The following AGAP1 variants were observed in gnomAD, a reference collection of about 807,000 sequenced individuals.
AGAP1 encodes ArfGAP with GTPase domain, ankyrin repeat and PH domain 1.
In AGAP1, 29 loss-of-function variants were observed where a neutral mutation model predicts 105.3. The ratio of observed to expected loss-of-function variants is 0.28; its 90% CI spans 0.21 to 0.38. The LOEUF is 0.38. Ranked by LOEUF, AGAP1 falls within the 10% of genes least tolerant of loss-of-function variation. The pLI is 1.00. For missense variants in AGAP1, 998 were observed against 1,165.1 expected, an observed-to-expected ratio of 0.86 and a Z score of 2.09; for synonymous variants, 509 against 485.9, an observed-to-expected ratio of 1.05 and a Z score of -0.63.
rs201890999 is a variant in AGAP1, at chr2:235,664,208, TG to T, written c.164-44970del. Among the ~76,000 whole-genome samples, 4 of 151,878 alleles carry T rather than the reference TG, an allele frequency of 2.6e-5. No individual in the cohort carries two copies. The highest frequency in any genetic ancestry group is 2.1e-4 in the South Asian group (1 of 4,826). Reference sequence around the variant, plus strand: ...ATAGATTGGATTTTAATATATAGTTTGTTTTTTTGTTTTTTTTTTCGAGACG... The same window carrying T: ...ATAGATTGGATTTTAATATATAGTTTTTTTTTTGTTTTTTTTTTCGAGACG... On this transcript the variant is annotated intron_variant, in intron 1 of 17. Transcript: ENST00000304032. This position sits in a 1 kb window ranked among gnomAD's most constrained non-coding sequence, Gnocchi z 5.7.
In AGAP1 at chr2:236,129,078, C is replaced by T. The variant is rs1343363759; in HGVS notation, c.*4956C>T. ...TCACATCTTGAATGACTGTCACCCTCATCCTTCCCCAAAAAGCTAAATAAG... is the reference window on the plus strand; with the variant it reads ...TCACATCTTGAATGACTGTCACCCTTATCCTTCCCCAAAAAGCTAAATAAG... On this transcript the variant is annotated 3_prime_UTR_variant, in exon 18 of 18. Transcript: ENST00000304032. The surrounding 1 kb of genome is among the most constrained non-coding windows in gnomAD (Gnocchi z 6.2). The T allele has an allele frequency of 6.6e-6, 1 of 152,240 alleles. No homozygotes were observed. Among genetic ancestry groups the T allele is most frequent in the East Asian group, 1.9e-4 (1 of 5,184 alleles). The allele number at this position is 152,240 out of a possible 1,614,324, so 9.4% of individuals were successfully genotyped here. A position where few individuals can be genotyped will look rare whatever the true frequency, so the allele number is the denominator to read the frequency against.
At chr2:235,942,061 C>G (rs886797761) in intron 12 of AGAP1, among the ~76,000 whole-genome samples, 1 of 152,192 alleles carries the variant, frequency 6.6e-6, no homozygotes, top group African/African-American at 2.4e-5. Flanking sequence ...CCTCTAGACT[C>G]AAGATACCCA....
At chr2:235,738,633 C>CT (rs375852038) in intron 3 of AGAP1, among the ~76,000 whole-genome samples, 4 of 151,952 alleles carry the variant, frequency 2.6e-5, no homozygotes, top group African/African-American at 9.7e-5. Context: ...TCTCGGCTCC[C>CT]TGCAACCTCC....
intron 1 of AGAP1, among the ~76,000 whole-genome samples, chr2:235,526,943 A>C (rs1463390542): frequency 6.6e-6 from 1 of 152,206 alleles, no homozygotes; most frequent in Non-Finnish European, 1.5e-5. Context: ...TTGTTTTGGA[A>C]AGGATTTGTC....
In AGAP1 at chr2:236,079,370, T is replaced by A. The variant is rs868099739; in HGVS notation, c.2114+30089T>A. Among the ~76,000 whole-genome samples the A allele has an allele frequency of 3.0e-3, 381 of 127,508 alleles. 5 individuals are homozygous for A. The South Asian group carries it at 0.032, about 11-fold the overall frequency. 83.7% of individuals were successfully genotyped at this position (127,508 alleles called of 152,430 possible). ...TCTGTCTCTACAAAAAAAGAAAATT[T>A]AAAAAAAAAAAAAAAAAAACAGGCA... On this transcript the variant is annotated intron_variant, in intron 16 of 17. Transcript: ENST00000304032.
Position 235,827,578 on chromosome 2 carries a change from G to A in AGAP1, c.1050+20247G>A, listed in dbSNP as rs533516884. 7.2e-5 allele frequency among the ~76,000 whole-genome samples: 11 copies of A among 152,280 alleles called. No homozygotes were observed. The South Asian group carries it at 2.3e-3, about 32-fold the overall frequency. On this transcript the variant is annotated intron_variant, in intron 9 of 17. Transcript: ENST00000304032. ...CTTTTAAAAGTTCCTTAGTGTGCCA[G>A]GATACTTTGCTGCAGCCCTTGGAAG...
intron 16 of AGAP1, among the ~76,000 whole-genome samples, chr2:236,093,748 C>T (rs1010848825): frequency 2.0e-5 from 3 of 152,076 alleles, no homozygotes; most frequent in Non-Finnish European, 4.4e-5. Context: ...AAACACAATC[C>T]CAAACACCAT....
At chr2:236,091,204 C>T (rs1576282903) in intron 16 of AGAP1, among the ~76,000 whole-genome samples, 1 of 152,246 alleles carries the variant, frequency 6.6e-6, no homozygotes, top group Non-Finnish European at 1.5e-5. Flanking sequence ...ATGCCTGTCT[C>T]TCTGTGCAGC....
chr2:235,549,131 CCTT>C lies in AGAP1; in HGVS notation c.163+54290_163+54292del, dbSNP rs1255451991. On this transcript the variant is annotated intron_variant, in intron 1 of 17. Transcript: ENST00000304032. The surrounding 1 kb of genome is among the most constrained non-coding windows in gnomAD (Gnocchi z 4.2). Reference sequence around the variant, plus strand: ...CATGCTAATGACTAAATCATTCAAGCCTTCTTCTTCCTGGATTTTATACCTCCT... The same window carrying C: ...CATGCTAATGACTAAATCATTCAAGCCTTCTTCCTGGATTTTATACCTCCT... Among the ~76,000 whole-genome samples the C allele has an allele frequency of 2.0e-5, 3 of 152,210 alleles. No individual in the cohort carries two copies. The highest frequency in any genetic ancestry group is 4.4e-5 in the Non-Finnish European group (3 of 68,038).
intron 13 of AGAP1, among the ~76,000 whole-genome samples, chr2:235,987,108 G>GTTATTTATTTATTTAT (rs59663970): frequency 1.2e-4 from 18 of 147,798 alleles, no homozygotes; most frequent in Non-Finnish European, 1.0e-4. Flanking sequence ...GCTTTTTATT[G>GTTATTTATTTATTTAT]TTATTTATTT....
At chr2:235,576,402 T>C (rs1352410119) in intron 1 of AGAP1, among the ~76,000 whole-genome samples, 1 of 152,228 alleles carries the variant, frequency 6.6e-6, no homozygotes, top group East Asian at 1.9e-4. Flanking sequence ...CTCAGTGCGC[T>C]GTGTCCTCAT....
chr2:236,049,028 T>G (rs1161623476), intron 15 of AGAP1, 31 bp from the exon 16 acceptor site: 5 of 1,586,992 alleles, frequency 3.2e-6, no homozygotes, highest in African/African-American at 1.3e-5. Flanking sequence ...ATGGTCTGAT[T>G]GCGTTTAGCG....
chr2:235,740,884 C>T lies in AGAP1; in HGVS notation c.311-79C>T. ...GGCGACAGCCTAGGGTGTATTTTTC[C>T]ACAAGCGAAGCCCACGTCTGTCTGC... is the stretch of plus-strand genomic sequence containing the variant. On this transcript the variant is annotated intron_variant, in intron 3 of 17. Coordinates refer to ENST00000304032, the MANE Select transcript of AGAP1 (RefSeq NM_001037131.3). The surrounding 1 kb of genome is among the most constrained non-coding windows in gnomAD (Gnocchi z 5.7). 1 of 1,577,078 alleles carries T rather than the reference C, an allele frequency of 6.3e-7. No homozygotes were observed. The highest frequency in any genetic ancestry group is 2.2e-5 in the East Asian group (1 of 44,568).
At chr2:236,085,522 A>G (rs2058906678) in intron 16 of AGAP1, among the ~76,000 whole-genome samples, 1 of 152,230 alleles carries the variant, frequency 6.6e-6, no homozygotes. Flanking sequence ...TCCCCACACA[A>G]AGAGCAACAA....
rs981845821 is a variant in AGAP1, at chr2:236,105,714, C to G, written c.2115-14478C>G. ...GTTCACGCCATTCTCCCACCTCAGC[C>G]TCCCGAGTAGCTGGGACTACAGGCG... On this transcript the variant is annotated intron_variant, in intron 16 of 17. Transcript: ENST00000304032. The surrounding 1 kb of genome is among the most constrained non-coding windows in gnomAD (Gnocchi z 4.2). Among the ~76,000 whole-genome samples the G allele has an allele frequency of 2.0e-5, 3 of 149,774 alleles. No individual in the cohort carries two copies. Among genetic ancestry groups the G allele is most frequent in the African/African-American group, 7.3e-5 (3 of 40,866 alleles).
intron 13 of AGAP1, among the ~76,000 whole-genome samples, chr2:235,999,038 G>T (rs1054613518): frequency 2.0e-4 from 30 of 149,972 alleles, no homozygotes; most frequent in African/African-American, 7.2e-4. Context: ...GGTGGTACTG[G>T]TGATGGCAAG....
At chr2:236,072,221 C>T (rs2058517449) in intron 16 of AGAP1, 2 of 148,684 alleles carry the variant, frequency 1.3e-5, no homozygotes, top group African/African-American at 5.0e-5. Context: ...GCAGACAGAT[C>T]ACAAGGCCAA....
chr2:235,817,190 CA>C (rs991322796), intron 9 of AGAP1, among the ~76,000 whole-genome samples: 7 of 152,064 alleles, frequency 4.6e-5, no homozygotes, highest in African/African-American at 7.2e-5. Flanking sequence ...GCTCTTAGAC[CA>C]GACACATTTT....
In AGAP1 at chr2:235,662,442, A is replaced by G. The variant is rs1203643349; in HGVS notation, c.164-46737A>G. On this transcript the variant is annotated intron_variant, in intron 1 of 17. Transcript: ENST00000304032. This position sits in a 1 kb window ranked among gnomAD's most constrained non-coding sequence, Gnocchi z 4.2. ...GAGGACTCACAGCAGTTTTGAAGTAATGTAGATTGTGTGGCCATCCCAATT... is the reference window on the plus strand; with the variant it reads ...GAGGACTCACAGCAGTTTTGAAGTAGTGTAGATTGTGTGGCCATCCCAATT... 2.0e-5 allele frequency among the ~76,000 whole-genome samples: 3 copies of G among 151,920 alleles called. No individual in the cohort carries two copies. Among genetic ancestry groups the G allele is most frequent in the Non-Finnish European group, 4.4e-5 (3 of 67,988 alleles).
Sources: allele counts gnomAD v4.1 joint callset (sites outside exome capture counted in the v4.1 genomes callset), GRCh38; gene constraint gnomAD v4.1.1; non-coding constraint Gnocchi (gnomAD v3.1); transcripts MANE v1.5; gene names NCBI Gene and HGNC (gene_info 2026-07-23, HGNC 2026-07-21).